Variants in VPS13D observed in about 807,000 individuals in gnomAD.
VPS13D encodes intermembrane lipid transfer protein VPS13D.
A neutral mutation model predicts 461.9 loss-of-function variants in VPS13D; 187 were observed. The observed-to-expected ratio is 0.40, with a 90% CI of 0.36 to 0.46. The LOEUF (loss-of-function observed/expected upper bound fraction) is 0.46, where lower values mean the gene tolerates loss of function less well. Ranked by LOEUF, VPS13D falls within the 20% of genes least tolerant of loss-of-function variation. The probability of loss-of-function intolerance (pLI) is 0.60; values close to 1 mark genes in which losing one functional copy is unlikely to be tolerated. For synonymous variants in VPS13D, 1,951 were observed against 1,986.3 expected, an observed-to-expected ratio of 0.98 and a Z score of 0.47; for missense variants, 4,711 against 5,364.9, an observed-to-expected ratio of 0.88 and a Z score of 3.81.
intron 66 of VPS13D, 118 bp downstream of exon 66, chr1:12,456,248 A>T (rs561426615): frequency 7.1e-7 from 1 of 1,410,298 alleles, no homozygotes; most frequent in East Asian, 2.5e-5. Context: ...TCATGCTTGT[A>T]ATCCCAGCAT....
Position 12,429,720 on chromosome 1 carries a change from TCTC to T in VPS13D, c.12333+12898_12333+12900del, listed in dbSNP as rs558981714. Reference sequence around the variant, plus strand: ...CATTGACTTTTAGGATCCTATTTCTTCTCCTCCCTTCCCCATGCCTCAGGTCTA... The same window carrying T: ...CATTGACTTTTAGGATCCTATTTCTTCTCCCTTCCCCATGCCTCAGGTCTA... On this transcript the variant is annotated intron_variant, in intron 65 of 69. Transcript: ENST00000620676. Among the ~76,000 whole-genome samples the T allele has an allele frequency of 2.6e-3, 393 of 152,290 alleles. 4 individuals are homozygous for T. Among genetic ancestry groups the T allele is most frequent in the Non-Finnish European group, 7.1e-4 (48 of 68,032 alleles).
intron 35 of VPS13D, 76 bp downstream of exon 35, chr1:12,323,856 A>G: frequency 1.4e-6 from 2 of 1,471,854 alleles, no homozygotes; most frequent in Middle Eastern, 1.7e-4. Context: ...TCTTACTTCC[A>G]CAAGGTGACT....
Position 12,507,059 on chromosome 1 carries a change from T to A in VPS13D, c.13001T>A (p.Val4334Glu). 1 of 1,614,108 alleles carries A rather than the reference T, an allele frequency of 6.2e-7. No individual in the cohort carries two copies. The highest frequency in any genetic ancestry group is 8.5e-7 in the Non-Finnish European group (1 of 1,180,002). Residue 4334 changes from valine to glutamate, a missense_variant, in exon 69 of 70, where the codon GTG becomes GAG. Physicochemically the swap from Val to Glu is moderately radical, Grantham distance 121 (BLOSUM62 -2). Around this residue, in one of 3 missense-constraint regions of VPS13D, gnomAD observed 194 missense variants for 220.9 expected, o/e 0.88. Coordinates refer to ENST00000620676, the MANE Select transcript of VPS13D (RefSeq NM_015378.4). This position sits in a 1 kb window ranked among gnomAD's most constrained non-coding sequence, Gnocchi z 5.3. ...AAAGCCGTGAGCACGAGCAGTGGAG[T>A]GTCCATCCCCGGCCCCTCCCACCAG... is the stretch of plus-strand genomic sequence containing the variant. ...TKKAVSTSSG[V>E]SIPGPSHQKP... is the part of the protein sequence containing the mutation.
At chr1:12,280,646 C>T (rs534755661) in intron 20 of VPS13D, among the ~76,000 whole-genome samples, 1 of 152,110 alleles carries the variant, frequency 6.6e-6, no homozygotes, top group Admixed American at 6.6e-5. Flanking sequence ...TTCGCCACCA[C>T]ACTGGCTAAT....
At chr1:12,419,967 A>G (rs987537339) in intron 65 of VPS13D, among the ~76,000 whole-genome samples, 7 of 152,238 alleles carry the variant, frequency 4.6e-5, no homozygotes, top group Admixed American at 2.0e-4. Context: ...TAGAAAAGGT[A>G]GAGTAAAAGT....
In VPS13D at chr1:12,266,958, C is replaced by T. The variant is rs185506076; in HGVS notation, c.1672C>T (p.Arg558Ter). 5 of 1,610,884 alleles carry T rather than the reference C, an allele frequency of 3.1e-6. No homozygotes were observed. Among genetic ancestry groups the T allele is most frequent in the Non-Finnish European group, 4.2e-6 (5 of 1,179,100 alleles). Reference protein sequence around the residue: ...LSVRLGGLFLRDLATEGTMFP... With the variant: ...LSVRLGGLFL ...AGTCCGGTTGGGTGGACTGTTTCTT[C>T]GAGACCTGGCTACAGAAGGAACTAT... Residue 558 changes from arginine to a stop codon, truncating the protein, a stop_gained, in exon 14 of 70, where the codon CGA becomes TGA. Transcript: ENST00000620676. LOFTEE classifies it high-confidence loss of function.
In VPS13D at chr1:12,507,204, C is replaced by G; in HGVS notation, c.13035+111C>G. 6.3e-7 allele frequency: 1 copy of G among 1,586,138 alleles called. No homozygotes were observed. Among genetic ancestry groups the G allele is most frequent in the Middle Eastern group, 1.7e-4 (1 of 6,012 alleles). ...CTCATTTAGGAGGTTGAGGCTGGGC[C>G]CTTCCCAGGAGTGCTGCCTCTCAGT... On this transcript the variant is annotated intron_variant, in intron 69 of 69. Coordinates refer to ENST00000620676, the MANE Select transcript of VPS13D (RefSeq NM_015378.4). This position sits in a 1 kb window ranked among gnomAD's most constrained non-coding sequence, Gnocchi z 5.3.
At chr1:12,329,697 T>C in intron 36 of VPS13D, 132 bp from the exon 37 acceptor site, 2 of 642,262 alleles carry the variant, frequency 3.1e-6, no homozygotes, top group East Asian at 5.5e-5. Context: ...AAGTACATGA[T>C]GAACAAAGTA....
chr1:12,418,087 T>C (rs373029271), intron 65 of VPS13D, among the ~76,000 whole-genome samples: 18 of 152,242 alleles, frequency 1.2e-4, no homozygotes, highest in East Asian at 1.2e-3. Flanking sequence ...TTTGTATTTT[T>C]TAGTAGAGAC....
intron 59 of VPS13D, among the ~76,000 whole-genome samples, 194 bp downstream of exon 59, chr1:12,385,567 A>G (rs1040686): frequency 1.3e-5 from 2 of 149,170 alleles, no homozygotes; most frequent in African/African-American, 5.2e-5. Context: ...ATGTGGAATC[A>G]GCATGTAGTA....
chr1:12,285,288 A>AT (rs200200673), intron 21 of VPS13D, among the ~76,000 whole-genome samples: 1,469 of 145,150 alleles, frequency 0.01, 33 homozygotes, highest in African/African-American at 0.036. Flanking sequence ...TTATTTATTT[A>AT]TTTATTTATT....
At chr1:12,332,668 C>T (rs983137147) in intron 37 of VPS13D, among the ~76,000 whole-genome samples, 4 of 152,052 alleles carry the variant, frequency 2.6e-5, no homozygotes, top group Non-Finnish European at 5.9e-5. Context: ...TAGGGAATGG[C>T]CCTTGGGAAC....
rs1211975470 is a variant in VPS13D at position 12,248,765 on chromosome 1, C to A, written c.448-458C>A. The stretch of plus-strand genomic sequence containing the variant: ...ATGTGCCTTGCTGGTTTCCTTGGTC[C>A]AGATGTGGGGACATAGAGGCAAGAT... On this transcript the variant is annotated intron_variant, in intron 5 of 69. Coordinates refer to ENST00000620676, the MANE Select transcript of VPS13D (RefSeq NM_015378.4). Among the ~76,000 whole-genome samples the A allele has an allele frequency of 2.0e-5, 3 of 152,104 alleles. No homozygotes were observed. In the East Asian group the frequency reaches 5.8e-4, roughly 29 times the overall value.
rs1295463810 is a variant in VPS13D, at chr1:12,495,477, G to T, written c.12663-2023G>T. On this transcript the variant is annotated intron_variant, in intron 67 of 69. Coordinates refer to ENST00000620676, the MANE Select transcript of VPS13D (RefSeq NM_015378.4). The surrounding 1 kb of genome is among the most constrained non-coding windows in gnomAD (Gnocchi z 4.0). ...CCGGCCGATGTAACATCTTTTGAAA[G>T]GGCCATTCTCATTGCCATGAGGAGA... is the stretch of plus-strand genomic sequence containing the variant. Among the ~76,000 whole-genome samples, 5 of 152,130 alleles carry T rather than the reference G, an allele frequency of 3.3e-5. No individual in the cohort carries two copies. Among genetic ancestry groups the T allele is most frequent in the Non-Finnish European group, 7.4e-5 (5 of 68,022 alleles).
Position 12,507,073 on chromosome 1 carries a change from C to G in VPS13D, c.13015C>G (p.Pro4339Ala), listed in dbSNP as rs145495867. The G allele has an allele frequency of 7.1e-4, 1,151 of 1,614,202 alleles. 6 individuals are homozygous for G. In the African/African-American group the frequency reaches 0.013, roughly 19 times the overall value. The change falls in exon 69 of 70, where the codon CCC (proline) becomes GCC (alanine). Residue 4339 changes from proline to alanine, a missense_variant. Transcript: ENST00000620676. This position sits in a 1 kb window ranked among gnomAD's most constrained non-coding sequence, Gnocchi z 5.3. ...STSSGVSIPG[P>A]SHQKPMVHVK... ...GAGCAGTGGAGTGTCCATCCCCGGC[C>G]CCTCCCACCAGAAGCCCATGGTGAG...
chr1:12,453,547 G>A (rs992064054), intron 65 of VPS13D, among the ~76,000 whole-genome samples: 56 of 152,298 alleles, frequency 3.7e-4, no homozygotes, highest in African/African-American at 1.3e-3. Flanking sequence ...GCACCAGAGA[G>A]ACACGTTTTT....
intron 63 of VPS13D, among the ~76,000 whole-genome samples, chr1:12,406,738 G>A (rs1413092100): frequency 2.0e-5 from 3 of 152,156 alleles, no homozygotes; most frequent in Non-Finnish European, 4.4e-5. Flanking sequence ...GAAAGTGGCC[G>A]AGTGATACTG....
intron 56 of VPS13D, 22 bp from the exon 57 acceptor site, chr1:12,379,466 C>T: frequency 6.2e-7 from 1 of 1,606,038 alleles, no homozygotes; most frequent in Non-Finnish European, 8.5e-7. Context: ...TTTCATGGTT[C>T]ATTGTGTATT....
intron 65 of VPS13D, among the ~76,000 whole-genome samples, chr1:12,427,242 T>TATTA (rs1315871174): frequency 7.8e-6 from 1 of 128,776 alleles, no homozygotes; most frequent in South Asian, 2.4e-4. Flanking sequence ...TTGTCATTAT[T>TATTA]TTATTATTAT....
Sources: gnomAD v4.1 joint callset for allele counts (sites outside exome capture counted in the v4.1 genomes callset) on GRCh38, gnomAD v4.1.1 for gene constraint, gnomAD v4.1.1 regional missense constraint, Gnocchi (gnomAD v3.1) non-coding constraint, MANE v1.5 for transcripts, NCBI Gene and HGNC (gene_info 2026-07-23, HGNC 2026-07-21) for gene names.